Variants in DCBLD1 observed in about 807,000 individuals in gnomAD.
DCBLD1 encodes discoidin, CUB and LCCL domain containing 1.
A neutral mutation model predicts 71.5 loss-of-function variants in DCBLD1; 57 were observed. The observed-to-expected ratio is 0.80, with a 90% confidence interval of 0.64 to 0.99. The LOEUF is 0.99. Among genes scored for constraint, DCBLD1 ranks in the 50% least tolerant of loss-of-function variants. DCBLD1 has a pLI of 0.00. For synonymous variants in DCBLD1, 380 were observed against 363.8 expected (o/e 1.04, Z -0.51); for missense variants, 891 against 923.5 (o/e 0.96, Z 0.46).
At chr6:117,534,544 TC>T (rs1295848874) in intron 6 of DCBLD1, among the ~76,000 whole-genome samples, 1 of 152,208 alleles carries the variant, frequency 6.6e-6, no homozygotes, top group East Asian at 1.9e-4. Flanking sequence ...TCCCTTTGGC[TC>T]TCAATCTGTT....
intron 6 of DCBLD1, among the ~76,000 whole-genome samples, chr6:117,533,332 C>T (rs1462096992): frequency 6.6e-6 from 1 of 152,112 alleles, no homozygotes. Context: ...ACATTCTCCC[C>T]CTGCCCTTGC....
intron 2 of DCBLD1, among the ~76,000 whole-genome samples, chr6:117,515,346 T>C (rs1368740232): frequency 6.6e-6 from 1 of 152,146 alleles, no homozygotes; most frequent in East Asian, 1.9e-4. Context: ...TTAGAACTCA[T>C]TGGAATGCTA....
intron 14 of DCBLD1, chr6:117,566,986 A>C: frequency 6.2e-7 from 1 of 1,609,854 alleles, no homozygotes; most frequent in Non-Finnish European, 8.5e-7. Flanking sequence ...TCATCATCAG[A>C]ATCCACTTCA....
In DCBLD1 at chr6:117,538,762, G is replaced by A. The variant is rs746912018; in HGVS notation, c.903G>A (p.Ser301=). The A allele has an allele frequency of 1.4e-5, 23 of 1,613,978 alleles. No homozygotes were observed. Among genetic ancestry groups the A allele is most frequent in the South Asian group, 2.2e-5 (2 of 91,078 alleles). ...AGGACCAAGGCCCATCATGGGCTTC[G>A]GGCGACAGTAGCAACAACCACAAAC... is the stretch of plus-strand genomic sequence containing the variant. The part of the protein sequence containing the change: ...RLQDQGPSWA[S]GDSSNNHKPR... Residue 301 remains serine, a synonymous_variant, in exon 8 of 15, where the codon TCG becomes TCA. Coordinates refer to ENST00000338728, the MANE Select transcript of DCBLD1 (RefSeq NM_001366458.2).
intron 2 of DCBLD1, among the ~76,000 whole-genome samples, chr6:117,515,656 C>A (rs750111535): frequency 6.6e-6 from 1 of 152,214 alleles, no homozygotes; most frequent in East Asian, 1.9e-4. Context: ...CTTATTTAGT[C>A]TGAATTGCCT....
chr6:117,537,521 G>C (rs982327446), intron 7 of DCBLD1, among the ~76,000 whole-genome samples: 1 of 144,616 alleles, frequency 6.9e-6, no homozygotes, highest in African/African-American at 2.6e-5. Flanking sequence ...GTAACAGAGC[G>C]AGACTCCATC....
chr6:117,548,196 C>G lies in DCBLD1; in HGVS notation c.1905C>G (p.Ser635=). Residue 635 remains serine (S), a synonymous_variant, in exon 15 of 15, where the codon TCC becomes TCG. Coordinates refer to ENST00000338728, the MANE Select transcript of DCBLD1 (RefSeq NM_001366458.2). The stretch of plus-strand genomic sequence containing the variant: ...AGCCCGGCCACAAACACTCCCTCTC[C>G]TCGGGCGGCTTCTCCCCCGTAGCGG... ...GPQPGHKHSL[S]SGGFSPVAGV... 6 of 1,550,482 alleles carry G rather than the reference C, an allele frequency of 3.9e-6. No homozygotes were observed. The South Asian group carries it at 7.1e-5, about 18-fold the overall frequency.
At chr6:117,569,756 G>A in exon 15 of DCBLD1, 1 of 1,552,984 alleles carries the variant, frequency 6.4e-7, no homozygotes. Context: ...ACAAAGGGCA[G>A]TAAATTAAAG....
intron 7 of DCBLD1, among the ~76,000 whole-genome samples, chr6:117,537,818 A>G (rs1332284175): frequency 1.3e-5 from 2 of 151,856 alleles, no homozygotes; most frequent in South Asian, 2.1e-4. Flanking sequence ...AAGCCTAATT[A>G]ACATTAAGCA....
chr6:117,498,670 G>T lies in DCBLD1; in HGVS notation c.113-5097G>T, dbSNP rs561634784. ...ATTTTTAATATTCTTAGAACTGTGA[G>T]CCCTCATCATCCATCTATAGCAACC... On this transcript the variant is annotated intron_variant, in intron 1 of 14. Transcript: ENST00000338728. Among the ~76,000 whole-genome samples, 148 of 152,046 alleles carry T rather than the reference G, an allele frequency of 9.7e-4. 3 individuals carry two copies. The South Asian group carries it at 0.029, about 30-fold the overall frequency.
At chr6:117,550,473 G>C (rs1779410585), downstream of DCBLD1, among the ~76,000 whole-genome samples, 1 of 152,190 alleles carries the variant, frequency 6.6e-6, no homozygotes, top group Non-Finnish European at 1.5e-5. Flanking sequence ...CTACTGGGAG[G>C]CAAAGATTGT....
At chr6:117,487,400 C>T (rs1295086968) in intron 1 of DCBLD1, among the ~76,000 whole-genome samples, 6 of 152,062 alleles carry the variant, frequency 3.9e-5, no homozygotes, top group South Asian at 2.1e-4. Flanking sequence ...TTGAGGCAGG[C>T]GGATCACTTG....
At position 117,488,940 on chromosome 6, in the gene DCBLD1, T is replaced by G. The variant is rs140826475; in HGVS notation, c.112+6047T>G. On this transcript the variant is annotated intron_variant, in intron 1 of 14. Coordinates refer to ENST00000338728, the MANE Select transcript of DCBLD1 (RefSeq NM_001366458.2). ...CTGTTTACTGCCATTTCTACTTGATTTATTAATCTCGTTATTAGCTATTTC... is the reference window on the plus strand; with the variant it reads ...CTGTTTACTGCCATTTCTACTTGATGTATTAATCTCGTTATTAGCTATTTC... Among the ~76,000 whole-genome samples, 52 of 152,334 alleles carry G rather than the reference T, an allele frequency of 3.4e-4. 1 individual carries two copies. The East Asian group carries it at 0.01, about 29-fold the overall frequency.
At chr6:117,509,469 T>A (rs930325329) in intron 2 of DCBLD1, among the ~76,000 whole-genome samples, 4 of 152,122 alleles carry the variant, frequency 2.6e-5, no homozygotes, top group African/African-American at 9.7e-5. Flanking sequence ...TAATAGTATC[T>A]ACCACATATA....
intron 1 of DCBLD1, among the ~76,000 whole-genome samples, chr6:117,483,400 C>T (rs1325189210): frequency 6.6e-6 from 1 of 152,178 alleles, no homozygotes; most frequent in Non-Finnish European, 1.5e-5. Flanking sequence ...GTTCGGGGCT[C>T]GTGCGGAATG....
chr6:117,487,801 T>A lies in DCBLD1; in HGVS notation c.112+4908T>A, dbSNP rs911248324. 4.6e-4 allele frequency among the ~76,000 whole-genome samples: 63 copies of A among 138,120 alleles called. 2 individuals are homozygous for A. The East Asian group carries it at 0.017, about 38-fold the overall frequency. 90.6% of individuals were successfully genotyped at this position (138,120 alleles called of 152,430 possible). On this transcript the variant is annotated intron_variant, in intron 1 of 14. Transcript: ENST00000338728. ...GAAAAATACAGCCAGAATTTCAGATTTTTTTTTTTTTCATTAGACTGAGGA... is the reference window on the plus strand; with the variant it reads ...GAAAAATACAGCCAGAATTTCAGATATTTTTTTTTTTCATTAGACTGAGGA...
intron 14 of DCBLD1, chr6:117,562,266 T>C: frequency 4.9e-6 from 1 of 206,098 alleles, no homozygotes; most frequent in Admixed American, 5.9e-5. Context: ...CTTGCCCACC[T>C]TTTAGATGAC....
intron 2 of DCBLD1, among the ~76,000 whole-genome samples, chr6:117,505,126 G>A (rs1777795921): frequency 6.6e-6 from 1 of 152,136 alleles, no homozygotes; most frequent in South Asian, 2.1e-4. Flanking sequence ...TAGGAGCATT[G>A]TCTATTTAAT....
intron 6 of DCBLD1, among the ~76,000 whole-genome samples, chr6:117,533,819 G>A (rs1778800314): frequency 6.6e-6 from 1 of 152,190 alleles, no homozygotes; most frequent in Non-Finnish European, 1.5e-5. Context: ...CCATGCTCAC[G>A]GCCAGGAGGC....
Sources: allele counts gnomAD v4.1 joint callset (sites outside exome capture counted in the v4.1 genomes callset), GRCh38; gene constraint gnomAD v4.1.1; transcripts MANE v1.5; gene names NCBI Gene and HGNC (gene_info 2026-07-23, HGNC 2026-07-21).